RASGRF2: variants seen among roughly 807,000 people sequenced by gnomAD.
RASGRF2 encodes ras-specific guanine nucleotide-releasing factor 2.
In RASGRF2, 76 loss-of-function variants were observed where a neutral mutation model predicts 151.0. The observed-to-expected ratio is 0.50, with a 90% confidence interval of 0.42 to 0.61. RASGRF2 has a LOEUF of 0.61. Among genes scored for constraint, RASGRF2 ranks in the 20% least tolerant of loss-of-function variants. The pLI, the probability that RASGRF2 is intolerant of heterozygous loss-of-function variation, is 0.00. For missense variants in RASGRF2, 1,148 were observed against 1,564.6 expected, an observed-to-expected ratio of 0.73 and a Z score of 4.49; for synonymous variants, 504 against 566.5, an observed-to-expected ratio of 0.89 and a Z score of 1.57.
At chr5:80,977,691 A>C (rs1486035217) in intron 1 of RASGRF2, among the ~76,000 whole-genome samples, 1 of 152,192 alleles carries the variant, frequency 6.6e-6, no homozygotes, top group Non-Finnish European at 1.5e-5. Context: ...TACTGACCTC[A>C]GGTGATCCGC....
chr5:81,227,550 C>T lies in RASGRF2; in HGVS notation c.*1780C>T, dbSNP rs1436776297. The T allele has an allele frequency of 6.6e-6, 1 of 152,164 alleles. No individual in the cohort carries two copies. Among genetic ancestry groups the T allele is most frequent in the African/African-American group, 2.4e-5 (1 of 41,430 alleles). 9.4% of individuals were successfully genotyped at this position (152,164 alleles called of 1,614,324 possible). ...ACGCATCTTGATGCATGATGAGAAG[C>T]ATGGGCTGTTTGGATCCTAACAACG... is the stretch of plus-strand genomic sequence containing the variant. On this transcript the variant is annotated 3_prime_UTR_variant, in exon 27 of 27. Transcript: ENST00000265080.
At chr5:81,162,408 T>A (rs1303919433) in intron 17 of RASGRF2, among the ~76,000 whole-genome samples, 1 of 152,130 alleles carries the variant, frequency 6.6e-6, no homozygotes, top group East Asian at 1.9e-4. Context: ...AGTGCAATGG[T>A]ACGATCTTGG....
At chr5:81,172,788 G>C (rs186167834) in intron 17 of RASGRF2, among the ~76,000 whole-genome samples, 176 of 152,168 alleles carry the variant, frequency 1.2e-3, no homozygotes, top group African/African-American at 4.1e-3. Context: ...TTTGTTTGGG[G>C]GCCCTCGGAT....
chr5:80,980,739 A>T (rs997847600), intron 1 of RASGRF2, among the ~76,000 whole-genome samples: 3 of 152,244 alleles, frequency 2.0e-5, no homozygotes, highest in Non-Finnish European at 4.4e-5. Context: ...TGTGAATTGT[A>T]ATAAATGAGT....
intron 1 of RASGRF2, among the ~76,000 whole-genome samples, chr5:81,017,980 G>A (rs535694271): frequency 6.6e-6 from 1 of 152,158 alleles, no homozygotes; most frequent in Admixed American, 6.5e-5. Flanking sequence ...ATGGTGACGG[G>A]CACCTGTAAT....
At chr5:80,988,951 T>C (rs1487718381) in intron 1 of RASGRF2, among the ~76,000 whole-genome samples, 1 of 152,116 alleles carries the variant, frequency 6.6e-6, no homozygotes, top group African/African-American at 2.4e-5. Flanking sequence ...GTGACATCCA[T>C]TGAGCATCAG....
chr5:80,996,559 C>T (rs1289007620), intron 1 of RASGRF2, among the ~76,000 whole-genome samples: 2 of 49,202 alleles, frequency 4.1e-5, no homozygotes, highest in African/African-American at 8.9e-5. Context: ...CCCCCTCCTC[C>T]TCCTCCCCCT....
chr5:81,166,717 T>C (rs1162676949), intron 17 of RASGRF2, among the ~76,000 whole-genome samples: 2 of 152,076 alleles, frequency 1.3e-5, no homozygotes, highest in East Asian at 3.9e-4. Context: ...ATCAGATGCA[T>C]GGTGGGCAAC....
intron 26 of RASGRF2, 83 bp from the exon 27 acceptor site, chr5:81,225,595 T>C: frequency 1.3e-6 from 2 of 1,530,456 alleles, no homozygotes; most frequent in Non-Finnish European, 1.7e-6. Context: ...AGAGAAAATG[T>C]TGAATTGTGT....
intron 18 of RASGRF2, among the ~76,000 whole-genome samples, chr5:81,199,605 T>C (rs1219681009): frequency 2.6e-5 from 4 of 152,126 alleles, no homozygotes; most frequent in East Asian, 1.9e-4. Flanking sequence ...AAAATGGTGA[T>C]TTTTTGCCGG....
chr5:81,032,038 T>G (rs893292373), intron 1 of RASGRF2, among the ~76,000 whole-genome samples: 3 of 151,912 alleles, frequency 2.0e-5, no homozygotes, highest in Admixed American at 6.6e-5. Context: ...GCAAATAAAC[T>G]AGAAAATGTA....
At chr5:81,072,089 G>A (rs1455771367) in intron 4 of RASGRF2, among the ~76,000 whole-genome samples, 1 of 152,046 alleles carries the variant, frequency 6.6e-6, no homozygotes, top group Admixed American at 6.5e-5. Flanking sequence ...TCAAAATAAT[G>A]TCTGCATGGA....
At chr5:81,018,388 C>T (rs16878325) in intron 1 of RASGRF2, among the ~76,000 whole-genome samples, 1 of 152,022 alleles carries the variant, frequency 6.6e-6, no homozygotes, top group African/African-American at 2.4e-5. Flanking sequence ...ATTTGCTATC[C>T]TACAGTGGCA....
intron 17 of RASGRF2, among the ~76,000 whole-genome samples, chr5:81,144,428 G>A (rs1259201219): frequency 2.0e-5 from 3 of 152,138 alleles, no homozygotes; most frequent in Non-Finnish European, 2.9e-5. Flanking sequence ...TGCCCTTGCC[G>A]GCACTTACAG....
chr5:81,115,135 A>G (rs1189020752), intron 15 of RASGRF2, among the ~76,000 whole-genome samples: 1 of 152,180 alleles, frequency 6.6e-6, no homozygotes, highest in Non-Finnish European at 1.5e-5. Flanking sequence ...GATTGCCCAG[A>G]TGGATGCATA....
chr5:81,193,660 C>T (rs184192567), intron 18 of RASGRF2, among the ~76,000 whole-genome samples: 15 of 152,236 alleles, frequency 9.9e-5, no homozygotes, highest in African/African-American at 3.6e-4. Context: ...GGATTACAGG[C>T]GCCCACCACC....
chr5:81,120,118 T>C (rs556238158), intron 15 of RASGRF2, among the ~76,000 whole-genome samples: 5 of 152,338 alleles, frequency 3.3e-5, no homozygotes, highest in Non-Finnish European at 7.3e-5. Flanking sequence ...CATTTTACCC[T>C]GATCCCTCCC....
At chr5:81,012,966 G>A (rs1215623633) in intron 1 of RASGRF2, among the ~76,000 whole-genome samples, 2 of 152,138 alleles carry the variant, frequency 1.3e-5, no homozygotes, top group Admixed American at 1.3e-4. Context: ...TCAGGGGATT[G>A]GAAGGAAAGG....
At chr5:81,156,399 A>C (rs1159631993) in intron 17 of RASGRF2, among the ~76,000 whole-genome samples, 2 of 152,224 alleles carry the variant, frequency 1.3e-5, no homozygotes, top group African/African-American at 2.4e-5. Flanking sequence ...CAAAGATACA[A>C]GAAGAAAATT....
Sources: gnomAD v4.1 joint callset for allele counts (sites outside exome capture counted in the v4.1 genomes callset) on GRCh38, gnomAD v4.1.1 for gene constraint, MANE v1.5 for transcripts, NCBI Gene and HGNC (gene_info 2026-07-23, HGNC 2026-07-21) for gene names.